The following FIP1L1 variants were observed in gnomAD, a reference collection of about 807,000 sequenced individuals.
The protein encoded by FIP1L1 is factor interacting with PAPOLA and CPSF1.
Under a neutral mutation model 84.6 loss-of-function variants are expected in FIP1L1, and 21 were observed. The observed-to-expected ratio is 0.25, with a 90% CI of 0.18 to 0.36. The LOEUF (loss-of-function observed/expected upper bound fraction) is 0.36. Ranked by LOEUF, FIP1L1 falls within the 10% of genes least tolerant of loss-of-function variation. The pLI, the probability that FIP1L1 is intolerant of heterozygous loss-of-function variation, is 1.00. For missense variants in FIP1L1, 526 were observed against 751.1 expected (o/e 0.70, Z 3.50); for synonymous variants, 263 against 242.3 (o/e 1.09, Z -0.80).
chr4:53,382,698 C>T (rs1738735103), intron 4 of FIP1L1, among the ~76,000 whole-genome samples: 1 of 152,244 alleles, frequency 6.6e-6, no homozygotes, highest in African/African-American at 2.4e-5. Context: ...ATGTATGTGA[C>T]AGTCCCTGAC....
chr4:53,431,555 TG>T, intron 13 of FIP1L1, among the ~76,000 whole-genome samples: 1 of 152,336 alleles, frequency 6.6e-6, no homozygotes, highest in East Asian at 1.9e-4. Flanking sequence ...CAAAATATGA[TG>T]AGATAAGTAT....
chr4:53,447,996 C>G (rs1774919026), intron 15 of FIP1L1, among the ~76,000 whole-genome samples: 1 of 152,036 alleles, frequency 6.6e-6, no homozygotes. Context: ...AAATCTCAAC[C>G]TGTACCATTG....
chr4:53,427,978 C>A, intron 12 of FIP1L1, 49 bp from the exon 13 acceptor site: 1 of 1,389,044 alleles, frequency 7.2e-7, no homozygotes, highest in Non-Finnish European at 9.9e-7. Context: ...TAAGATTAAT[C>A]TTACATAATA....
intron 4 of FIP1L1, among the ~76,000 whole-genome samples, chr4:53,382,707 ACTGCATGC>A (rs1301787473): frequency 2.0e-5 from 3 of 152,230 alleles, no homozygotes; most frequent in African/African-American, 7.2e-5. Context: ...ACAGTCCCTG[ACTGCATGC>A]CTGCATGCCA....
Position 53,450,529 on chromosome 4 carries a change from C to T in FIP1L1, c.1286-2391C>T, listed in dbSNP as rs183454717. On this transcript the variant is annotated intron_variant, in intron 15 of 17. Coordinates refer to ENST00000337488, the MANE Select transcript of FIP1L1 (RefSeq NM_030917.4). ...CATCAACCATGCTAAGAACATGTAG[C>T]TCAAGTCTTTATTTGCATGGTGGCC... Among the ~76,000 whole-genome samples the T allele has an allele frequency of 4.4e-4, 67 of 152,232 alleles. No homozygotes were observed. The East Asian group carries it at 0.011, about 25-fold the overall frequency.
chr4:53,421,104 G>C (rs1488219594), intron 11 of FIP1L1, among the ~76,000 whole-genome samples: 1 of 152,188 alleles, frequency 6.6e-6, no homozygotes, highest in Non-Finnish European at 1.5e-5. Context: ...GAGAACCACT[G>C]ATTTAGAGCC....
At chr4:53,389,465 T>C (rs1006846707) in intron 5 of FIP1L1, among the ~76,000 whole-genome samples, 3 of 152,168 alleles carry the variant, frequency 2.0e-5, no homozygotes, top group African/African-American at 7.2e-5. Flanking sequence ...CTTTTTTTTT[T>C]TACTGTTTTT....
Position 53,460,857 on chromosome 4 carries a change from T to G in FIP1L1, c.*1408T>G, listed in dbSNP as rs781129686. On this transcript the variant is annotated 3_prime_UTR_variant, in exon 18 of 18. Transcript: ENST00000337488. ...GACAAGATAAATATAGTGTTTCAAC[T>G]TCTTAGCCTATTTGTGATTTTTCTG... The G allele has an allele frequency of 6.6e-7, 1 of 1,518,178 alleles. No homozygotes were observed. The highest frequency in any genetic ancestry group is 1.2e-5 in the South Asian group (1 of 81,670). The allele number at this position is 1,518,178 out of a possible 1,614,324, so 94.0% of individuals were successfully genotyped here.
chr4:53,433,078 G>A (rs1767470821), intron 13 of FIP1L1, among the ~76,000 whole-genome samples: 1 of 152,196 alleles, frequency 6.6e-6, no homozygotes, highest in African/African-American at 2.4e-5. Context: ...AAGAAAAACT[G>A]TAAAACTGGA....
chr4:53,387,105 T>C (rs957076777), intron 5 of FIP1L1, among the ~76,000 whole-genome samples: 20 of 152,310 alleles, frequency 1.3e-4, no homozygotes, highest in African/African-American at 4.8e-4. Context: ...GGTGAGATGA[T>C]AATCTAGACT....
chr4:53,389,779 TTC>T (rs1210462732), intron 5 of FIP1L1, 28 bp from the exon 6 acceptor site: 3 of 1,564,376 alleles, frequency 1.9e-6, no homozygotes, highest in South Asian at 1.2e-5. Flanking sequence ...TCAGGATAAT[TTC>T]TGTTTTTTTT....
intron 10 of FIP1L1, among the ~76,000 whole-genome samples, chr4:53,400,634 A>G (rs1749725218): frequency 6.6e-6 from 1 of 152,308 alleles, no homozygotes; most frequent in South Asian, 2.1e-4. Flanking sequence ...TTGTATTGTT[A>G]TAAGAGACAT....
intron 15 of FIP1L1, among the ~76,000 whole-genome samples, chr4:53,450,980 G>A (rs1330513872): frequency 1.4e-5 from 1 of 70,274 alleles, no homozygotes; most frequent in Middle Eastern, 0.01. Context: ...TTTTTTTTTT[G>A]AGATGGAGTC....
In FIP1L1 at chr4:53,460,448, G is replaced by GACA. The variant is rs1162705188; in HGVS notation, c.*1002_*1004dup. 2 of 191,542 alleles carry GACA rather than the reference G, an allele frequency of 1.0e-5. No homozygotes were observed. Among genetic ancestry groups the GACA allele is most frequent in the Non-Finnish European group, 2.2e-5 (2 of 91,994 alleles). The allele number at this position is 191,542 out of a possible 1,614,324, so 11.9% of individuals were successfully genotyped here. ...TCTTAATTAGTATCACATACTAAAA[G>GACA]ACAACTATAACTTCTGAAAAATATT... On this transcript the variant is annotated 3_prime_UTR_variant, in exon 18 of 18. Transcript: ENST00000337488.
chr4:53,433,831 C>G (rs775685948), intron 13 of FIP1L1, among the ~76,000 whole-genome samples: 1 of 152,004 alleles, frequency 6.6e-6, no homozygotes, highest in African/African-American at 2.4e-5. Context: ...TCCTAAAAGA[C>G]TGTTGTCTTG....
intron 10 of FIP1L1, among the ~76,000 whole-genome samples, chr4:53,407,551 G>T (rs1159938056): frequency 1.1e-4 from 17 of 151,760 alleles, no homozygotes; most frequent in African/African-American, 2.2e-4. Flanking sequence ...CTGAGTTCAA[G>T]TCCTGGGTAT....
At chr4:53,388,442 C>T (rs113821359) in intron 5 of FIP1L1, among the ~76,000 whole-genome samples, 2 of 152,090 alleles carry the variant, frequency 1.3e-5, no homozygotes, top group African/African-American at 4.8e-5. Flanking sequence ...TCACGCCATT[C>T]TCATGCCTCA....
chr4:53,378,892 G>A (rs940910464), intron 1 of FIP1L1, 181 bp from the exon 2 acceptor site: 2 of 636,190 alleles, frequency 3.1e-6, no homozygotes, highest in African/African-American at 3.7e-5. Flanking sequence ...GCAAGATTTA[G>A]CATTAGTTAC....
chr4:53,437,082 T>G (rs1320269935), intron 13 of FIP1L1, among the ~76,000 whole-genome samples: 1 of 152,026 alleles, frequency 6.6e-6, no homozygotes, highest in African/African-American at 2.4e-5. Context: ...ATCACAGCAC[T>G]TTGGGAGGCT....
Sources: gnomAD v4.1 joint callset for allele counts (sites outside exome capture counted in the v4.1 genomes callset) on GRCh38, gnomAD v4.1.1 for gene constraint, MANE v1.5 for transcripts, NCBI Gene and HGNC (gene_info 2026-07-23, HGNC 2026-07-21) for gene names.